Variants in AK5 observed in about 807,000 individuals in gnomAD.
AK5 encodes the protein adenylate kinase isoenzyme 5.
Under a neutral mutation model 69.5 loss-of-function variants are expected in AK5, and 27 were observed. The observed-to-expected ratio is 0.39, with a 90% CI of 0.29 to 0.54. The LOEUF (loss-of-function observed/expected upper bound fraction) is 0.54. Among genes scored for constraint, AK5 ranks in the 20% least tolerant of loss-of-function variants. AK5 has a pLI of 0.71. For synonymous variants in AK5, 260 were observed against 244.4 expected (o/e 1.06, Z -0.60); for missense variants, 531 against 700.4 (o/e 0.76, Z 2.73).
intron 8 of AK5, among the ~76,000 whole-genome samples, chr1:77,424,675 G>C (rs1349042084): frequency 6.6e-6 from 1 of 152,150 alleles, no homozygotes; most frequent in Non-Finnish European, 1.5e-5. Context: ...GCTGGGGAGA[G>C]AATCTCTGAG....
At chr1:77,415,907 A>G (rs1650393228) in intron 7 of AK5, among the ~76,000 whole-genome samples, 2 of 152,132 alleles carry the variant, frequency 1.3e-5, no homozygotes, top group Non-Finnish European at 2.9e-5. Context: ...TCTGCATCTC[A>G]TTTTCCTCTT....
At chr1:77,351,962 T>A (rs1247392880) in intron 6 of AK5, among the ~76,000 whole-genome samples, 2 of 140,094 alleles carry the variant, frequency 1.4e-5, no homozygotes, top group Admixed American at 7.8e-5. Context: ...GGAGTTTCGC[T>A]CTTGTTGCCC....
At chr1:77,344,237 A>G (rs1211453280) in intron 6 of AK5, among the ~76,000 whole-genome samples, 2 of 152,206 alleles carry the variant, frequency 1.3e-5, no homozygotes, top group Non-Finnish European at 2.9e-5. Flanking sequence ...CATTACATGG[A>G]CTTCTTCATT....
chr1:77,558,392 C>CTAA (rs1660231856), intron 13 of AK5, among the ~76,000 whole-genome samples: 1 of 150,272 alleles, frequency 6.7e-6, no homozygotes, highest in African/African-American at 2.4e-5. Flanking sequence ...TTTGGCTATT[C>CTAA]TAATAGATGT....
chr1:77,309,063 A>T (rs544525046), intron 5 of AK5, among the ~76,000 whole-genome samples: 1 of 143,202 alleles, frequency 7.0e-6, no homozygotes, highest in African/African-American at 2.6e-5. Context: ...ACCAGCATAC[A>T]CTGGGGCCTG....
chr1:77,449,767 G>T (rs936689316), intron 8 of AK5, among the ~76,000 whole-genome samples: 1 of 152,056 alleles, frequency 6.6e-6, no homozygotes, highest in African/African-American at 2.4e-5. Flanking sequence ...TCATGGGAGG[G>T]GTTGACATGC....
intron 13 of AK5, among the ~76,000 whole-genome samples, chr1:77,546,935 GAC>G: frequency 6.6e-6 from 1 of 152,332 alleles, no homozygotes; most frequent in East Asian, 1.9e-4. Context: ...CAAAGCCACT[GAC>G]ACGTGAAAGC....
chr1:77,348,596 T>A (rs1570420194), intron 6 of AK5, among the ~76,000 whole-genome samples: 1 of 152,330 alleles, frequency 6.6e-6, no homozygotes, highest in Non-Finnish European at 1.5e-5. Flanking sequence ...TCTATGGGAC[T>A]GTCTTCAACA....
intron 6 of AK5, among the ~76,000 whole-genome samples, chr1:77,407,903 CT>C (rs1649765480): frequency 6.6e-6 from 1 of 152,108 alleles, no homozygotes; most frequent in Non-Finnish European, 1.5e-5. Context: ...TGTTCCTTTG[CT>C]AATTCACTTA....
chr1:77,377,364 C>T (rs1647318076), intron 6 of AK5, among the ~76,000 whole-genome samples: 1 of 152,158 alleles, frequency 6.6e-6, no homozygotes, highest in Admixed American at 6.5e-5. Flanking sequence ...ATGTCAAAAA[C>T]CTCAGTCATG....
intron 13 of AK5, among the ~76,000 whole-genome samples, chr1:77,549,473 A>C (rs868409162): frequency 1.9e-4 from 29 of 152,148 alleles, no homozygotes; most frequent in Middle Eastern, 6.8e-3. Flanking sequence ...ATAGTCTTTT[A>C]GTTATTTTTA....
chr1:77,453,881 T>G (rs1349174375), intron 8 of AK5, among the ~76,000 whole-genome samples: 1 of 152,360 alleles, frequency 6.6e-6, no homozygotes. Flanking sequence ...TGTATTTTTC[T>G]GAATCAGTTT....
intron 5 of AK5, among the ~76,000 whole-genome samples, chr1:77,328,403 G>C (rs1286298402): frequency 6.6e-6 from 1 of 152,034 alleles, no homozygotes; most frequent in South Asian, 2.1e-4. Flanking sequence ...AGGAGGCTGA[G>C]GCAGGAGAAT....
intron 10 of AK5, among the ~76,000 whole-genome samples, chr1:77,510,371 A>G (rs1424764549): frequency 6.7e-6 from 1 of 149,804 alleles, no homozygotes; most frequent in Non-Finnish European, 1.5e-5. Flanking sequence ...ACTAGAAGCA[A>G]GCCAAAAAGT....
At chr1:77,479,063 G>T (rs1287486445) in intron 8 of AK5, among the ~76,000 whole-genome samples, 1 of 151,974 alleles carries the variant, frequency 6.6e-6, no homozygotes, top group Non-Finnish European at 1.5e-5. Context: ...CAAATCTGCA[G>T]TTTTCCATAG....
At chr1:77,468,611 G>T (rs913812702) in intron 8 of AK5, among the ~76,000 whole-genome samples, 1 of 152,224 alleles carries the variant, frequency 6.6e-6, no homozygotes, top group Admixed American at 6.5e-5. Flanking sequence ...GCTTTTGGCA[G>T]TTTTCTTTTT....
chr1:77,452,088 C>T (rs1007529144), intron 8 of AK5, among the ~76,000 whole-genome samples: 31 of 152,138 alleles, frequency 2.0e-4, no homozygotes, highest in Admixed American at 6.5e-4. Flanking sequence ...GTATTTTCCC[C>T]CTTTGATATA....
At chr1:77,481,607 G>A (rs1557624780) in intron 8 of AK5, among the ~76,000 whole-genome samples, 1 of 152,198 alleles carries the variant, frequency 6.6e-6, no homozygotes, top group Non-Finnish European at 1.5e-5. Context: ...CCTCAAGGGA[G>A]TGTTAATACA....
chr1:77,482,629 G>A (rs997121610), intron 8 of AK5, among the ~76,000 whole-genome samples: 4 of 151,798 alleles, frequency 2.6e-5, no homozygotes, highest in Non-Finnish European at 5.9e-5. Context: ...AAAAATTAGC[G>A]CAGCACGGTG....
Sources: allele counts gnomAD v4.1 joint callset (sites outside exome capture counted in the v4.1 genomes callset), GRCh38; gene constraint gnomAD v4.1.1; transcripts MANE v1.5; gene names NCBI Gene and HGNC (gene_info 2026-07-23, HGNC 2026-07-21).